MCPH1: variants seen among roughly 807,000 people sequenced by gnomAD.
MCPH1 encodes microcephalin 1.
MCPH1 carries 104 observed loss-of-function variants against 84.5 expected under a neutral mutation model. The ratio of observed to expected loss-of-function variants is 1.23; its 90% CI spans 1.05 to 1.45. The LOEUF (loss-of-function observed/expected upper bound fraction) is 1.45, where lower values mean the gene tolerates loss of function less well. Ranked by LOEUF, MCPH1 falls within the 40% of genes most tolerant of loss-of-function variation. The probability of loss-of-function intolerance (pLI) is 0.00; values close to 1 mark genes in which losing one functional copy is unlikely to be tolerated. For missense variants in MCPH1, 1,498 were observed against 1,005.7 expected (o/e 1.49, Z -6.62); for synonymous variants, 514 against 366.8 (o/e 1.40, Z -4.58).
At chr8:6,504,008 G>A (rs544567686) in intron 12 of MCPH1, among the ~76,000 whole-genome samples, 2 of 152,228 alleles carry the variant, frequency 1.3e-5, no homozygotes, top group East Asian at 1.9e-4. Context: ...ATATTAAATG[G>A]AAAAATCTAG....
At chr8:6,445,652 A>G in intron 8 of MCPH1, 105 bp downstream of exon 8, 1 of 1,467,124 alleles carries the variant, frequency 6.8e-7, no homozygotes, top group Non-Finnish European at 9.0e-7. Flanking sequence ...TTCCCCATTT[A>G]CTCCTCTTTT....
chr8:6,444,735 C>G lies in MCPH1; in HGVS notation c.1013C>G (p.Ser338Ter). The change falls in exon 8 of 14, where the codon TCA (serine) becomes TGA (stop). Residue 338 changes from serine (S) to a stop codon, truncating the protein, a stop_gained. Coordinates refer to ENST00000344683, the MANE Select transcript of MCPH1 (RefSeq NM_024596.5). LOFTEE classifies it high-confidence loss of function. Reference sequence around the variant, plus strand: ...TATCGTTTGTCTCCTACCTTATCTTCAACAAAAGGCCACCTTTTGATACAT... The same window carrying G: ...TATCGTTTGTCTCCTACCTTATCTTGAACAAAAGGCCACCTTTTGATACAT... ...EKYRLSPTLS[S>*]TKGHLLIHSR... The G allele has an allele frequency of 2.5e-6, 4 of 1,614,036 alleles. No homozygotes were observed. Among genetic ancestry groups the G allele is most frequent in the Non-Finnish European group, 3.4e-6 (4 of 1,179,968 alleles).
At chr8:6,529,696 C>G (rs1819083265) in intron 12 of MCPH1, among the ~76,000 whole-genome samples, 1 of 144,420 alleles carries the variant, frequency 6.9e-6, no homozygotes, top group Non-Finnish European at 1.5e-5. Flanking sequence ...GACTCCTGAT[C>G]TCAAGCGATC....
At chr8:6,632,635 C>T (rs569732799) in intron 13 of MCPH1, among the ~76,000 whole-genome samples, 2 of 152,152 alleles carry the variant, frequency 1.3e-5, no homozygotes, top group South Asian at 2.1e-4. Flanking sequence ...CAGTGAAACC[C>T]CATCTCTACT....
Position 6,480,766 on chromosome 8 carries a change from G to A in MCPH1, c.2026G>A (p.Ala676Thr), listed in dbSNP as rs748641264. The change falls in exon 11 of 14, where the codon GCA (alanine) becomes ACA (threonine). Residue 676 changes from alanine to threonine, a missense_variant. Transcript: ENST00000344683. Reference sequence around the variant, plus strand: ...GGATAAATTGAAAGGCTTTTCAATTGCACCAGACGTCTGTGAGACCACGAC... The same window carrying A: ...GGATAAATTGAAAGGCTTTTCAATTACACCAGACGTCTGTGAGACCACGAC... ...VVDKLKGFSI[A>T]PDVCETTTHV... is the part of the protein sequence containing the mutation. 6.2e-7 allele frequency: 1 copy of A among 1,614,120 alleles called. No individual in the cohort carries two copies. Among genetic ancestry groups the A allele is most frequent in the South Asian group, 1.1e-5 (1 of 91,082 alleles).
At chr8:6,522,152 G>C (rs1402126081) in intron 12 of MCPH1, among the ~76,000 whole-genome samples, 1 of 151,848 alleles carries the variant, frequency 6.6e-6, no homozygotes, top group Non-Finnish European at 1.5e-5. Flanking sequence ...TCGGGAGATT[G>C]AGAGTATCCT....
chr8:6,635,730 C>T (rs1039941519), intron 13 of MCPH1, among the ~76,000 whole-genome samples: 10 of 152,210 alleles, frequency 6.6e-5, no homozygotes, highest in Admixed American at 2.0e-4. Context: ...CAGCAGAATG[C>T]CTCCTCGTCC....
intron 9 of MCPH1, 129 bp downstream of exon 9, chr8:6,455,381 A>G (rs1805565701): frequency 2.8e-6 from 2 of 710,058 alleles, no homozygotes; most frequent in Non-Finnish European, 4.9e-6. Context: ...TTATGGGTAA[A>G]TGCTGGAAAA....
At chr8:6,601,126 A>G (rs1329971877) in intron 12 of MCPH1, among the ~76,000 whole-genome samples, 1 of 152,058 alleles carries the variant, frequency 6.6e-6, no homozygotes, top group Non-Finnish European at 1.5e-5. Context: ...CCCTGCAGCC[A>G]CCACCTGGAG....
chr8:6,439,377 A>G (rs888025723), intron 6 of MCPH1, among the ~76,000 whole-genome samples: 6 of 150,842 alleles, frequency 4.0e-5, no homozygotes, highest in African/African-American at 1.5e-4. Flanking sequence ...TTTTTTAAAA[A>G]AAAATGAATC....
chr8:6,436,368 A>G (rs1315328850), intron 5 of MCPH1, among the ~76,000 whole-genome samples: 1 of 152,242 alleles, frequency 6.6e-6, no homozygotes, highest in Non-Finnish European at 1.5e-5. Flanking sequence ...CTAATCGACC[A>G]CAGTCTTAAC....
intron 12 of MCPH1, among the ~76,000 whole-genome samples, chr8:6,551,609 C>T (rs1259453443): frequency 2.0e-5 from 3 of 152,114 alleles, no homozygotes; most frequent in East Asian, 1.9e-4. Flanking sequence ...CTGTTAAGAA[C>T]ATGTCACTGG....
At chr8:6,455,311 C>A in intron 9 of MCPH1, 59 bp downstream of exon 9, 2 of 1,204,596 alleles carry the variant, frequency 1.7e-6, no homozygotes, top group Non-Finnish European at 2.5e-6. Context: ...TAATGTTCTT[C>A]TCTGGGTCAA....
chr8:6,569,985 T>G (rs1413496280), intron 12 of MCPH1, among the ~76,000 whole-genome samples: 1 of 152,206 alleles, frequency 6.6e-6, no homozygotes, highest in African/African-American at 2.4e-5. Flanking sequence ...AACCAGATCA[T>G]TAATGCAGAG....
rs576140302 is a variant in MCPH1, at chr8:6,553,328, A to C, written c.2214+53399A>C. On this transcript the variant is annotated intron_variant, in intron 12 of 13. Coordinates refer to ENST00000344683, the MANE Select transcript of MCPH1 (RefSeq NM_024596.5). Reference sequence around the variant, plus strand: ...AAAAGGAACAAGTAAAGCAACAACAACAAAATGTTATTGTGTACTTTCAGA... The same window carrying C: ...AAAAGGAACAAGTAAAGCAACAACACCAAAATGTTATTGTGTACTTTCAGA... Among the ~76,000 whole-genome samples the C allele has an allele frequency of 1.3e-4, 20 of 152,286 alleles. No homozygotes were observed. In the South Asian group the frequency reaches 4.1e-3, roughly 32 times the overall value.
At chr8:6,497,129 A>T (rs1811326850) in intron 11 of MCPH1, among the ~76,000 whole-genome samples, 1 of 152,140 alleles carries the variant, frequency 6.6e-6, no homozygotes, top group African/African-American at 2.4e-5. Context: ...ACATTTACCG[A>T]TATTTAGCTA....
chr8:6,581,689 G>A (rs1827578243), intron 12 of MCPH1, among the ~76,000 whole-genome samples: 1 of 152,154 alleles, frequency 6.6e-6, no homozygotes, highest in African/African-American at 2.4e-5. Context: ...AAATTATATT[G>A]AAACTTTTCT....
chr8:6,431,543 C>T lies in MCPH1; in HGVS notation c.278C>T (p.Ala93Val), dbSNP rs587783741. ...CACATTGATGAATCATTGTTCCCTG[C>T]AGCTAATATGAATGAACACTTATCA... ...GAHIDESLFP[A>V]ANMNEHLSSL... Residue 93 changes from alanine to valine, a missense_variant, in exon 4 of 14, where the codon GCA becomes GTA. Physicochemically the swap from Ala to Val is moderately conservative, Grantham distance 64. Transcript: ENST00000344683. The T allele has an allele frequency of 1.2e-6, 2 of 1,613,016 alleles. No homozygotes were observed. Among genetic ancestry groups the T allele is most frequent in the East Asian group, 2.2e-5 (1 of 44,814 alleles).
rs919617050 is a variant in MCPH1, at chr8:6,446,746, A to G, written c.1825+1199A>G. The G allele has an allele frequency of 1.5e-5, 15 of 985,272 alleles. No homozygotes were observed. In the South Asian group the frequency reaches 1.9e-4, roughly 12 times the overall value. The allele number at this position is 985,272 out of a possible 1,614,324, so 61.0% of individuals were successfully genotyped here. On this transcript the variant is annotated intron_variant, in intron 8 of 13. Coordinates refer to ENST00000344683, the MANE Select transcript of MCPH1 (RefSeq NM_024596.5). ...CCTTGTGTATTTTTTAAGCTTTTGA[A>G]TAATAATGACATGGAAATGTAAATT...
Sources: allele counts gnomAD v4.1 joint callset (sites outside exome capture counted in the v4.1 genomes callset), GRCh38; gene constraint gnomAD v4.1.1; transcripts MANE v1.5; gene names NCBI Gene and HGNC (gene_info 2026-07-23, HGNC 2026-07-21).